SMC2: variants seen among roughly 807,000 people sequenced by gnomAD.
The protein encoded by SMC2 is structural maintenance of chromosomes protein 2.
A neutral mutation model predicts 142.6 loss-of-function variants in SMC2; 41 were observed. That is an observed-to-expected ratio of 0.29 (90% CI 0.22 to 0.37). The LOEUF is 0.37. SMC2 is among the 10% of genes least tolerant of loss of function. The probability of loss-of-function intolerance (pLI) is 1.00; values close to 1 mark genes in which losing one functional copy is unlikely to be tolerated. For synonymous variants in SMC2, 463 were observed against 457.5 expected, an observed-to-expected ratio of 1.01 and a Z score of -0.15; for missense variants, 1,265 against 1,373.7, an observed-to-expected ratio of 0.92 and a Z score of 1.25.
the SMC2 span, among the ~76,000 whole-genome samples, chr9:104,088,500 A>G: frequency 6.6e-6 from 1 of 152,144 alleles, no homozygotes; most frequent in African/African-American, 2.4e-5. Context: ...TGGGGTTTAA[A>G]TACACATAGA....
intron 2 of SMC2, 130 bp from the exon 3 acceptor site, chr9:104,096,018 A>G: frequency 1.4e-6 from 1 of 734,032 alleles, no homozygotes; most frequent in South Asian, 2.1e-5. Context: ...CAGAGGATGC[A>G]GCTGCCTAAC....
chr9:104,095,461 T>A lies in SMC2; in HGVS notation c.77T>A (p.Leu26His). The A allele has an allele frequency of 6.2e-7, 1 of 1,613,828 alleles. No individual in the cohort carries two copies. The highest frequency in any genetic ancestry group is 1.1e-5 in the South Asian group (1 of 91,072). Residue 26 changes from leucine (L) to histidine (H), a missense_variant, in exon 2 of 25, where the codon CTC (leucine) becomes CAC (histidine). Physicochemically the swap from Leu to His is moderately conservative, Grantham distance 99. This residue lies in a region of SMC2 where 168 missense variants were observed against 184.8 expected (regional missense o/e 0.91). Coordinates refer to ENST00000374793, the MANE Select transcript of SMC2 (RefSeq NM_006444.3). The part of the protein sequence containing the change: ...QRTEVNGFDP[L>H]FNAITGLNGS... Reference sequence around the variant, plus strand: ...ACCGAAGTCAATGGTTTTGACCCCCTCTTCAATGCTATCACTGGCTTAAAT... The same window carrying A: ...ACCGAAGTCAATGGTTTTGACCCCCACTTCAATGCTATCACTGGCTTAAAT...
At chr9:104,120,908 T>G (rs1833656582) in intron 16 of SMC2, among the ~76,000 whole-genome samples, 1 of 152,206 alleles carries the variant, frequency 6.6e-6, no homozygotes, top group Non-Finnish European at 1.5e-5. Context: ...TTTTTCTTGT[T>G]GGAGAAGCGG....
At chr9:104,096,748 C>A (rs111783894) in intron 3 of SMC2, among the ~76,000 whole-genome samples, 3 of 152,144 alleles carry the variant, frequency 2.0e-5, no homozygotes, top group African/African-American at 7.2e-5. Flanking sequence ...TAACTTATTC[C>A]CTACTTCAGT....
chr9:104,095,559 TG>T lies in SMC2; in HGVS notation c.168+8del, dbSNP rs765755868. On this transcript the variant is annotated splice_region_variant and intron_variant, in intron 2 of 24. Coordinates refer to ENST00000374793, the MANE Select transcript of SMC2 (RefSeq NM_006444.3). The stretch of plus-strand genomic sequence containing the variant: ...CATCTCCAACCTGTCTCAGGTAAAG[TG>T]TAAACTTTCTGATTTATTTGAATTT... 140 of 1,609,020 alleles carry T rather than the reference TG, an allele frequency of 8.7e-5. 1 individual carries two copies. In the African/African-American group the frequency reaches 1.5e-3, roughly 17 times the overall value.
chr9:104,120,498 A>G (rs1833615108), intron 16 of SMC2, among the ~76,000 whole-genome samples: 1 of 152,216 alleles, frequency 6.6e-6, no homozygotes, highest in Non-Finnish European at 1.5e-5. Context: ...ACCAGAGGAT[A>G]CTTGATTTCT....
At position 104,126,714 on chromosome 9, in the gene SMC2, C is replaced by T. The variant is rs777397842; in HGVS notation, c.2525C>T (p.Ala842Val). The T allele has an allele frequency of 3.1e-6, 5 of 1,612,510 alleles. No homozygotes were observed. The highest frequency in any genetic ancestry group is 2.2e-5 in the South Asian group (2 of 91,036). ...EHTSYKQQLE[A>V]VNEAIKSYES... ...ACATCTTACAAACAACAGCTTGAAG[C>T]TGTAAATGAAGCTATCAAATCCTAT... The change falls in exon 19 of 25, where the codon GCT (alanine) becomes GTT (valine). Residue 842 changes from alanine (A) to valine (V), a missense_variant. Physicochemically the swap from Ala to Val is moderately conservative, Grantham distance 64. Transcript: ENST00000374793.
intron 4 of SMC2, 121 bp from the exon 5 acceptor site, chr9:104,099,523 A>AC (rs929121646): frequency 2.3e-4 from 145 of 638,620 alleles, no homozygotes; most frequent in African/African-American, 3.0e-4. Context: ...TAGAGGAAAG[A>AC]CCCCCCCAAA....
At chr9:104,088,632 C>A in the SMC2 span, among the ~76,000 whole-genome samples, 1 of 107,798 alleles carries the variant, frequency 9.3e-6, no homozygotes, top group African/African-American at 4.0e-5. Flanking sequence ...TAAAATGTTC[C>A]ATAACCTGCC....
intron 17 of SMC2, among the ~76,000 whole-genome samples, chr9:104,123,937 T>C (rs967257535): frequency 1.3e-5 from 2 of 152,240 alleles, no homozygotes; most frequent in Non-Finnish European, 2.9e-5. Context: ...TATCCACACA[T>C]GTGCTTCTCC....
intron 17 of SMC2, among the ~76,000 whole-genome samples, chr9:104,123,516 T>C (rs927100661): frequency 9.2e-5 from 14 of 152,220 alleles, no homozygotes; most frequent in African/African-American, 3.4e-4. Context: ...CCAAATCTGT[T>C]GGTTGTGAAA....
intron 23 of SMC2, 132 bp from the exon 24 acceptor site, chr9:104,137,886 A>AT (rs1425568017): frequency 8.0e-6 from 4 of 497,906 alleles, no homozygotes; most frequent in Non-Finnish European, 1.3e-5. Context: ...GAAACTCAAG[A>AT]TTCTTTTTTT....
At chr9:104,102,315 A>G (rs1020464873) in intron 8 of SMC2, 109 bp from the exon 9 acceptor site, 33 of 1,140,084 alleles carry the variant, frequency 2.9e-5, no homozygotes, top group Non-Finnish European at 3.8e-5. Context: ...TCTTATAGTA[A>G]GATAATGAAA....
Position 104,114,762 on chromosome 9 carries a change from C to G in SMC2, c.1604C>G (p.Thr535Ser). ...LVASLISVKDTSATTALELVA... is the reference protein window; with the variant it reads ...LVASLISVKDSSATTALELVA... ...GCTTCTCTGATTAGTGTGAAAGACA[C>G]TTCTGCAACCACAGCTTTAGAATTA... The change falls in exon 13 of 25, where the codon ACT becomes AGT. Residue 535 changes from threonine (T) to serine (S), a missense_variant. By Grantham distance (58) the Thr-to-Ser change is moderately conservative (BLOSUM62 1). Coordinates refer to ENST00000374793, the MANE Select transcript of SMC2 (RefSeq NM_006444.3). The G allele has an allele frequency of 6.2e-7, 1 of 1,612,898 alleles. No individual in the cohort carries two copies. Among genetic ancestry groups the G allele is most frequent in the Non-Finnish European group, 8.5e-7 (1 of 1,179,062 alleles).
At chr9:104,120,310 C>T in intron 16 of SMC2, 148 bp downstream of exon 16, 5 of 728,012 alleles carry the variant, frequency 6.9e-6, no homozygotes, top group Non-Finnish European at 1.0e-5. Context: ...GAGTTGATAA[C>T]TTACCATTTA....
intron 22 of SMC2, among the ~76,000 whole-genome samples, chr9:104,132,690 A>G (rs547415880): frequency 2.6e-5 from 4 of 152,114 alleles, no homozygotes; most frequent in South Asian, 2.1e-4. Flanking sequence ...ATGCAGCACA[A>G]TTATCCCTTT....
intron 24 of SMC2, among the ~76,000 whole-genome samples, chr9:104,138,619 T>C (rs912199226): frequency 6.6e-6 from 1 of 152,316 alleles, no homozygotes; most frequent in East Asian, 1.9e-4. Flanking sequence ...TTTAATGCAC[T>C]ATTGCTGTAG....
intron 8 of SMC2, 33 bp from the exon 9 acceptor site, chr9:104,102,391 A>G (rs201885614): frequency 5.1e-6 from 8 of 1,565,042 alleles, no homozygotes; most frequent in Admixed American, 4.1e-5. Context: ...CAAATTTTAC[A>G]TAAGTGATTG....
intron 1 of SMC2, 85 bp downstream of exon 1, chr9:104,094,562 G>A (rs970155439): frequency 2.7e-6 from 1 of 366,160 alleles, no homozygotes; most frequent in African/African-American, 2.1e-5. Flanking sequence ...GGCGCGGGGC[G>A]CGGGGGCTGT....
Sources: gnomAD v4.1 joint callset for allele counts (sites outside exome capture counted in the v4.1 genomes callset) on GRCh38, gnomAD v4.1.1 for gene constraint, gnomAD v4.1.1 regional missense constraint, MANE v1.5 for transcripts, NCBI Gene and HGNC (gene_info 2026-07-23, HGNC 2026-07-21) for gene names.